Variants in TAMM41 observed in about 807,000 individuals in gnomAD.
TAMM41 encodes TAM41 mitochondrial translocator assembly and maintenance homolog, also known as phosphatidate cytidylyltransferase, mitochondrial.
TAMM41 carries 36 observed loss-of-function variants against 44.1 expected under a neutral mutation model. That is an observed-to-expected ratio of 0.82 (90% CI 0.63 to 1.08). The LOEUF is 1.08. Among genes scored for constraint, TAMM41 ranks in the 50% least tolerant of loss-of-function variants. TAMM41 has a pLI of 0.00. For synonymous variants in TAMM41, 164 were observed against 153.1 expected, an observed-to-expected ratio of 1.07 and a Z score of -0.53; for missense variants, 417 against 404.3, an observed-to-expected ratio of 1.03 and a Z score of -0.27.
At chr3:11,763,572 C>T in the TAMM41 span, among the ~76,000 whole-genome samples, 8 of 152,326 alleles carry the variant, frequency 5.3e-5, no homozygotes, top group South Asian at 2.1e-4. Flanking sequence ...AAACACATCT[C>T]GACATGATGC....
At chr3:11,786,854 A>G (rs2077420860), downstream of TAMM41, among the ~76,000 whole-genome samples, 1 of 151,748 alleles carries the variant, frequency 6.6e-6, no homozygotes, top group South Asian at 2.1e-4. Context: ...TCAGCCTCCC[A>G]AAGTGCTGGG....
At chr3:11,836,415 G>A (rs998975365) in intron 3 of TAMM41, among the ~76,000 whole-genome samples, 2 of 152,174 alleles carry the variant, frequency 1.3e-5, no homozygotes, top group African/African-American at 4.8e-5. Flanking sequence ...TATGACTCAA[G>A]GCTTCTAATT....
chr3:11,825,997 C>T (rs1040630748), intron 4 of TAMM41, among the ~76,000 whole-genome samples: 1 of 152,146 alleles, frequency 6.6e-6, no homozygotes, highest in African/African-American at 2.4e-5. Context: ...TTGGAGAACA[C>T]ATCCAAGGAA....
the TAMM41 span, among the ~76,000 whole-genome samples, chr3:11,725,425 TTCC>T: frequency 0.086 from 5,826 of 67,982 alleles, 164 homozygotes; most frequent in Middle Eastern, 0.2. Context: ...TTCTTCTTCT[TTCC>T]TCCTCCTCCT....
the TAMM41 span, among the ~76,000 whole-genome samples, chr3:11,751,137 G>A: frequency 6.9e-6 from 1 of 144,482 alleles, no homozygotes; most frequent in Admixed American, 7.2e-5. Context: ...TATTGCCCAG[G>A]CTGGAGCACA....
chr3:11,741,216 CAAAAAAAAAAA>C, the TAMM41 span, among the ~76,000 whole-genome samples: 2 of 61,834 alleles, frequency 3.2e-5, 1 homozygote, highest in African/African-American at 1.5e-4. Flanking sequence ...GACACCGTCT[CAAAAAAAAAAA>C]AAAAAAAAAA....
At chr3:11,828,593 A>ATGTGACCT (rs2078856671) in intron 4 of TAMM41, among the ~76,000 whole-genome samples, 1 of 152,206 alleles carries the variant, frequency 6.6e-6, no homozygotes, top group South Asian at 2.1e-4. Context: ...CACAGTGTGC[A>ATGTGACCT]TGTGACCTGC....
chr3:11,770,584 G>C, the TAMM41 span, among the ~76,000 whole-genome samples: 1 of 152,200 alleles, frequency 6.6e-6, no homozygotes, highest in African/African-American at 2.4e-5. Flanking sequence ...ACTCAGGGTA[G>C]TAACACTGCT....
intron 2 of TAMM41, among the ~76,000 whole-genome samples, chr3:11,840,729 C>T (rs1400066912): frequency 4.0e-5 from 6 of 151,852 alleles, no homozygotes. Context: ...AAAACTTGTC[C>T]TTCCCCAAAG....
At chr3:11,787,707 A>C (rs2077425314), downstream of TAMM41, among the ~76,000 whole-genome samples, 1 of 152,222 alleles carries the variant, frequency 6.6e-6, no homozygotes, top group Non-Finnish European at 1.5e-5. Context: ...ACCAAACCTG[A>C]CAGATGGGTA....
In TAMM41 at chr3:11,809,643, T is replaced by C; in HGVS notation, c.748A>G (p.Thr250Ala). The change falls in exon 6 of 8, where the codon ACA (threonine) becomes GCA (alanine). Residue 250 changes from threonine to alanine, a missense_variant. By Grantham distance (58) the Thr-to-Ala change is moderately conservative (BLOSUM62 0). Coordinates refer to ENST00000455809, the MANE Select transcript of TAMM41 (RefSeq NM_001284401.2). ...SPEGQFTQLM[T>A]LPKTLQQQIN... ...TGTTGCTGTAAGGTTTTGGGCAATG[T>C]CATCAGCTGAGTGAACTGTCCTTCT... 1 of 1,614,082 alleles carries C rather than the reference T, an allele frequency of 6.2e-7. No homozygotes were observed. The highest frequency in any genetic ancestry group is 8.5e-7 in the Non-Finnish European group (1 of 1,180,026).
chr3:11,759,392 C>T, the TAMM41 span, among the ~76,000 whole-genome samples: 1 of 151,766 alleles, frequency 6.6e-6, no homozygotes, highest in Non-Finnish European at 1.5e-5. Context: ...GCCAACTCTG[C>T]TTGGAAGTGG....
At chr3:11,823,736 C>T (rs1176068017) in intron 4 of TAMM41, among the ~76,000 whole-genome samples, 1 of 148,380 alleles carries the variant, frequency 6.7e-6, no homozygotes, top group Non-Finnish European at 1.5e-5. Flanking sequence ...TCTCAGCTCA[C>T]TGCAACCTCT....
At chr3:11,729,525 C>T in the TAMM41 span, among the ~76,000 whole-genome samples, 3,718 of 58,074 alleles carry the variant, frequency 0.064, 303 homozygotes, top group East Asian at 0.27. Flanking sequence ...TTCTTTCTTT[C>T]TTTTCTTTCT....
Position 11,844,221 on chromosome 3 carries a change from GAAGAA to G in TAMM41, c.136-15_136-11del. On this transcript the variant is annotated splice_polypyrimidine_tract_variant and intron_variant, in intron 1 of 7. Transcript: ENST00000455809. ...AGTCCAGCATAGCATTCTGTGGAGT[GAAGAA>G]AAGAGAATAATTTCAGTATTAATTC... is the stretch of plus-strand genomic sequence containing the variant. 1 of 1,609,270 alleles carries G rather than the reference GAAGAA, an allele frequency of 6.2e-7. No homozygotes were observed. The highest frequency in any genetic ancestry group is 1.7e-5 in the Admixed American group (1 of 59,348).
intron 2 of TAMM41, among the ~76,000 whole-genome samples, chr3:11,841,930 C>G (rs1015423816): frequency 6.6e-6 from 1 of 152,196 alleles, no homozygotes; most frequent in African/African-American, 2.4e-5. Flanking sequence ...GGTTGGATCT[C>G]AACCGGAAAA....
the TAMM41 span, among the ~76,000 whole-genome samples, chr3:11,776,328 T>A: frequency 6.6e-6 from 1 of 151,848 alleles, no homozygotes; most frequent in African/African-American, 2.4e-5. Flanking sequence ...ATTTAAAATT[T>A]TTTTTTTAGA....
chr3:11,748,290 A>T, the TAMM41 span, among the ~76,000 whole-genome samples: 1 of 148,398 alleles, frequency 6.7e-6, no homozygotes, highest in Non-Finnish European at 1.5e-5. Flanking sequence ...TTATTTATTT[A>T]TTTATTTTTT....
intron 4 of TAMM41, among the ~76,000 whole-genome samples, chr3:11,828,447 G>T (rs1485844520): frequency 1.3e-5 from 2 of 152,224 alleles, no homozygotes; most frequent in African/African-American, 2.4e-5. Flanking sequence ...AGGACTGGTA[G>T]TGGTAGGGGC....
Sources: allele counts gnomAD v4.1 joint callset (sites outside exome capture counted in the v4.1 genomes callset), GRCh38; gene constraint gnomAD v4.1.1; transcripts MANE v1.5; gene names NCBI Gene and HGNC (gene_info 2026-07-23, HGNC 2026-07-21).